ZNF75D: variants seen among roughly 807,000 people sequenced by gnomAD.
ZNF75D encodes zinc finger protein 75D, also known as zinc finger protein 75.
In ZNF75D, 33 loss-of-function variants were observed where a neutral mutation model predicts 33.3. The observed-to-expected ratio is 0.99, with a 90% CI of 0.75 to 1.32. The LOEUF (loss-of-function observed/expected upper bound fraction) is 1.32. Among genes scored for constraint, ZNF75D ranks in the 40% most tolerant of loss-of-function variants. The pLI, the probability that ZNF75D is intolerant of heterozygous loss-of-function variation, is 0.00. For missense variants in ZNF75D, 338 were observed against 367.5 expected (o/e 0.92, Z 0.66); for synonymous variants, 113 against 130.6 (o/e 0.87, Z 0.92).
At chrX:135,318,384 T>C (rs2084449811) in intron 1 of ZNF75D, among the ~76,000 whole-genome samples, 1 of 110,695 alleles carries the variant, frequency 9.0e-6, no homozygotes, top group Non-Finnish European at 1.9e-5. Flanking sequence ...TTCCTTTCTC[T>C]ACTAAGCCTG....
At chrX:135,284,620 AC>A (rs781923947), downstream of ZNF75D, among the ~76,000 whole-genome samples, 69 of 111,915 alleles carry the variant, frequency 6.2e-4, no homozygotes, top group Middle Eastern at 4.6e-3. Context: ...TTCTGCTCAG[AC>A]CCATCTAAAG....
At chrX:135,282,801 C>A (rs186542641), downstream of ZNF75D, among the ~76,000 whole-genome samples, 2 of 111,876 alleles carry the variant, frequency 1.8e-5, no homozygotes, top group African/African-American at 3.2e-5. Context: ...CTTCTGCTCA[C>A]CCTCCATGAG....
chrX:135,292,344 G>A lies in ZNF75D; in HGVS notation c.541C>T (p.Arg181Trp), dbSNP rs144267096. 1,711 of 1,209,723 alleles carry A rather than the reference G, an allele frequency of 1.4e-3. 4 individuals are homozygous for A. The highest frequency in any genetic ancestry group is 1.7e-3 in the Non-Finnish European group (1,513 of 894,976). The change falls in exon 4 of 7, where the codon CGG (arginine) becomes TGG (tryptophan). Residue 181 changes from arginine (R) to tryptophan (W), a missense_variant. Transcript: ENST00000370766. ...VFQKEYWNTY[R>W]VLQEQLGWNT... Reference sequence around the variant, plus strand: ...CAGCCCAGCTGTTCTTGTAGTACCCGGTATGTATTCCAATATTCTTTCTGG... The same window carrying A: ...CAGCCCAGCTGTTCTTGTAGTACCCAGTATGTATTCCAATATTCTTTCTGG...
At chrX:135,310,349 T>C (rs1196194496) in intron 1 of ZNF75D, among the ~76,000 whole-genome samples, 1 of 111,694 alleles carries the variant, frequency 9.0e-6, no homozygotes, top group African/African-American at 3.3e-5. Flanking sequence ...CCTCTGTCCC[T>C]AAGAAATATC....
chrX:135,289,195 T>C (rs1479853196), intron 6 of ZNF75D, among the ~76,000 whole-genome samples: 1 of 113,082 alleles, frequency 8.8e-6, no homozygotes. Flanking sequence ...GGCTTGCATA[T>C]AGACTTGCTA....
At chrX:135,300,047 A>G (rs2084192674) in intron 1 of ZNF75D, among the ~76,000 whole-genome samples, 1 of 112,307 alleles carries the variant, frequency 8.9e-6, no homozygotes, top group Non-Finnish European at 1.9e-5. Context: ...ATTACAAAAT[A>G]TGAATCTTAT....
At chrX:135,265,327 A>G (rs2083859247) in intron 1 of ZNF75D, among the ~76,000 whole-genome samples, 1 of 111,731 alleles carries the variant, frequency 9.0e-6, no homozygotes. Flanking sequence ...AAAGGTAGAG[A>G]AGAATGTCAA....
Position 135,271,710 on chromosome X carries a change from C to A in ZNF75D, n.828-15933G>T, listed in dbSNP as rs187795385. 1.6e-4 allele frequency among the ~76,000 whole-genome samples: 18 copies of A among 111,934 alleles called. 1 individual carries two copies. In the East Asian group the frequency reaches 5.1e-3, roughly 32 times the overall value. ...CTCTAAATAACTCCAGATGGCTGAA[C>A]ACATATTACCCATCACTGAAGAGAT... On this transcript the variant is annotated intron_variant and non_coding_transcript_variant, in intron 1 of 3. Transcript: ENST00000494295.
chrX:135,288,414 T>C (rs781805893), intron 6 of ZNF75D, among the ~76,000 whole-genome samples: 1 of 112,380 alleles, frequency 8.9e-6, no homozygotes, highest in Non-Finnish European at 1.9e-5. Flanking sequence ...AGAAGACTAG[T>C]AGGATTGTGT....
chrX:135,261,863 C>T lies in ZNF75D; in HGVS notation n.828-6086G>A, dbSNP rs1278688215. Among the ~76,000 whole-genome samples, 4 of 111,500 alleles carry T rather than the reference C, an allele frequency of 3.6e-5. No homozygotes were observed. In the East Asian group the frequency reaches 8.4e-4, roughly 23 times the overall value. Reference sequence around the variant, plus strand: ...TATGATGTTCGCTGGTTATTTTGCCCGTTAATTGATGCAGTTTCTTCATAG... The same window carrying T: ...TATGATGTTCGCTGGTTATTTTGCCTGTTAATTGATGCAGTTTCTTCATAG... On this transcript the variant is annotated intron_variant and non_coding_transcript_variant, in intron 1 of 3. Transcript: ENST00000494295.
intron 1 of ZNF75D, among the ~76,000 whole-genome samples, chrX:135,260,119 C>T (rs1240833620): frequency 8.9e-6 from 1 of 112,004 alleles, no homozygotes; most frequent in African/African-American, 3.2e-5. Context: ...TATGTTGAAC[C>T]AGCCTTGCAT....
intron 1 of ZNF75D, among the ~76,000 whole-genome samples, chrX:135,259,012 T>C (rs2083825409): frequency 8.9e-6 from 1 of 112,407 alleles, no homozygotes; most frequent in South Asian, 3.7e-4. Context: ...TTTCTACATA[T>C]GGCTAGCCAG....
intron 1 of ZNF75D, among the ~76,000 whole-genome samples, chrX:135,317,023 T>C (rs955390444): frequency 2.7e-5 from 3 of 111,469 alleles, no homozygotes; most frequent in African/African-American, 9.8e-5. Context: ...GGAGGTGTCA[T>C]GTTTCCTTGC....
At chrX:135,288,613 G>A (rs1486356992) in intron 6 of ZNF75D, among the ~76,000 whole-genome samples, 2 of 112,280 alleles carry the variant, frequency 1.8e-5, no homozygotes, top group Non-Finnish European at 3.8e-5. Context: ...TTTAAGTATC[G>A]AGATGTTCAA....
chrX:135,303,424 T>A (rs1483921234), intron 1 of ZNF75D, among the ~76,000 whole-genome samples: 4 of 111,778 alleles, frequency 3.6e-5, no homozygotes, highest in African/African-American at 1.3e-4. Context: ...GTGTTTTGTG[T>A]CCCTGGGTAC....
chrX:135,293,304 G>A (rs982906821), intron 3 of ZNF75D, among the ~76,000 whole-genome samples: 1 of 111,076 alleles, frequency 9.0e-6, no homozygotes, highest in Non-Finnish European at 1.9e-5. Flanking sequence ...TTTCTTTGCA[G>A]TCTCCCCAGA....
At chrX:135,305,107 G>T (rs1473142) in intron 1 of ZNF75D, among the ~76,000 whole-genome samples, 28,141 of 110,990 alleles carry the variant, frequency 0.25, 2,819 homozygotes, top group South Asian at 0.44. Context: ...GTCAGGTGTG[G>T]GTTCGACACA....
At chrX:135,325,773 T>A (rs5974523) in intron 1 of ZNF75D, among the ~76,000 whole-genome samples, 2 of 110,833 alleles carry the variant, frequency 1.8e-5, no homozygotes, top group Non-Finnish European at 3.8e-5. Flanking sequence ...TGAGCCTCCC[T>A]GAGAGGCGCC....
chrX:135,299,851 A>G (rs1409792654), intron 1 of ZNF75D, among the ~76,000 whole-genome samples: 1 of 112,394 alleles, frequency 8.9e-6, no homozygotes, highest in Non-Finnish European at 1.9e-5. Context: ...CAGTTGACCT[A>G]GCATAATTTG....
Sources: allele counts gnomAD v4.1 joint callset (sites outside exome capture counted in the v4.1 genomes callset), GRCh38; gene constraint gnomAD v4.1.1; transcripts MANE v1.5; gene names NCBI Gene and HGNC (gene_info 2026-07-23, HGNC 2026-07-21).